TSPAN8: variants seen among roughly 807,000 people sequenced by gnomAD.
The protein encoded by TSPAN8 is tetraspanin-8.
In TSPAN8, 21 loss-of-function variants were observed where a neutral mutation model predicts 32.8. The ratio of observed to expected loss-of-function variants is 0.64; its 90% CI spans 0.45 to 0.92. TSPAN8 has a LOEUF of 0.92. TSPAN8 is among the 40% of genes least tolerant of loss of function. The probability of loss-of-function intolerance (pLI) is 0.00; values close to 1 mark genes in which losing one functional copy is unlikely to be tolerated. For synonymous variants in TSPAN8, 95 were observed against 94.6 expected, an observed-to-expected ratio of 1.00 and a Z score of -0.03; for missense variants, 269 against 281.9, an observed-to-expected ratio of 0.95 and a Z score of 0.33.
chr12:71,152,945 C>T (rs975558594), intron 2 of TSPAN8, among the ~76,000 whole-genome samples: 1 of 152,220 alleles, frequency 6.6e-6, no homozygotes, highest in African/African-American at 2.4e-5. Flanking sequence ...GTTCAGACTT[C>T]TTTCTGCGCT....
chr12:71,133,633 C>G (rs922985703), intron 6 of TSPAN8, among the ~76,000 whole-genome samples: 1 of 152,036 alleles, frequency 6.6e-6, no homozygotes, highest in Non-Finnish European at 1.5e-5. Context: ...ATTTTATGAA[C>G]ATCTTTAAAA....
intron 2 of TSPAN8, chr12:71,157,405 T>A: frequency 2.1e-6 from 1 of 478,040 alleles, no homozygotes; most frequent in Non-Finnish European, 3.7e-6. Context: ...GAAATGTTTA[T>A]CCTCACATTC....
At position 71,129,392 on chromosome 12, in the gene TSPAN8, T is replaced by C. The variant is rs1391898859; in HGVS notation, c.599A>G (p.Asp200Gly). 6.3e-7 allele frequency: 1 copy of C among 1,583,352 alleles called. No homozygotes were observed. The highest frequency in any genetic ancestry group is 2.3e-5 in the East Asian group (1 of 44,076). Residue 200 changes from aspartate (D) to glycine (G), a missense_variant, in exon 8 of 9, where the codon GAC becomes GGC. Asp to Gly is a moderately conservative substitution (Grantham distance 94). Coordinates refer to ENST00000247829, the MANE Select transcript of TSPAN8 (RefSeq NM_004616.3). ...YKETCISFIKDFLAKNLIIVI... is the reference protein window; with the variant it reads ...YKETCISFIKGFLAKNLIIVI... ...TATAATCAAATTTTTTGCCAAGAAG[T>C]CTTTTATGAAAGAAATACAGGTCTG...
chr12:71,152,839 T>C (rs1201083993), intron 2 of TSPAN8, among the ~76,000 whole-genome samples: 1 of 152,224 alleles, frequency 6.6e-6, no homozygotes, highest in Non-Finnish European at 1.5e-5. Context: ...GGGTTATGTC[T>C]GCTTTGCCTC....
At chr12:71,129,580 A>G (rs1050153921) in intron 7 of TSPAN8, among the ~76,000 whole-genome samples, 166 bp from the exon 8 acceptor site, 13 of 152,188 alleles carry the variant, frequency 8.5e-5, no homozygotes, top group Admixed American at 8.5e-4. Context: ...CTTTGCTCCA[A>G]AAGGTTGTAA....
Position 71,156,039 on chromosome 12 carries a change from A to G in TSPAN8, c.60+1580T>C, listed in dbSNP as rs540475253. The stretch of plus-strand genomic sequence containing the variant: ...AGCCACTGCGCCTGGTTGTGGTTAC[A>G]TTTTTTCAAGAATTATTATGTTTCA... On this transcript the variant is annotated intron_variant, in intron 2 of 8. Coordinates refer to ENST00000247829, the MANE Select transcript of TSPAN8 (RefSeq NM_004616.3). Among the ~76,000 whole-genome samples, 23 of 151,982 alleles carry G rather than the reference A, an allele frequency of 1.5e-4. No homozygotes were observed. The South Asian group carries it at 3.1e-3, about 21-fold the overall frequency.
chr12:71,157,704 T>A lies in TSPAN8; in HGVS notation c.-26A>T. ...TTCGGAAAAGGATTAGGAATCCAGATGCCGTGAATTTAACTATTCGTTACA... is the reference window on the plus strand; with the variant it reads ...TTCGGAAAAGGATTAGGAATCCAGAAGCCGTGAATTTAACTATTCGTTACA... On this transcript the variant is annotated 5_prime_UTR_variant, in exon 2 of 9. Transcript: ENST00000247829. 1 of 1,589,078 alleles carries A rather than the reference T, an allele frequency of 6.3e-7. No homozygotes were observed. Among genetic ancestry groups the A allele is most frequent in the Non-Finnish European group, 8.6e-7 (1 of 1,157,308 alleles).
chr12:71,135,505 AAGG>A (rs1166358064), intron 6 of TSPAN8, among the ~76,000 whole-genome samples: 2 of 94,658 alleles, frequency 2.1e-5, no homozygotes, highest in East Asian at 6.7e-4. Flanking sequence ...GAAAAGGAAG[AAGG>A]AGGAGGAGAA....
chr12:71,150,502 T>A (rs577082295), intron 2 of TSPAN8, among the ~76,000 whole-genome samples: 1 of 142,226 alleles, frequency 7.0e-6, no homozygotes, highest in Non-Finnish European at 1.5e-5. Context: ...GGCATCACGG[T>A]CCTACTGATA....
intron 8 of TSPAN8, among the ~76,000 whole-genome samples, chr12:71,126,090 G>A (rs1413743961): frequency 6.6e-6 from 1 of 152,074 alleles, no homozygotes; most frequent in African/African-American, 2.4e-5. Context: ...TGATAGACAG[G>A]ACCTGTGTGC....
At chr12:71,131,169 T>C (rs1871508312) in intron 7 of TSPAN8, among the ~76,000 whole-genome samples, 1 of 152,222 alleles carries the variant, frequency 6.6e-6, no homozygotes, top group Admixed American at 6.5e-5. Context: ...TTATTTACTC[T>C]ATATTTATTT....
intron 2 of TSPAN8, among the ~76,000 whole-genome samples, chr12:71,147,681 A>G (rs1872119970): frequency 6.6e-6 from 1 of 152,142 alleles, no homozygotes; most frequent in African/African-American, 2.4e-5. Context: ...TCTTAGTTCA[A>G]TTGTATTGTG....
chr12:71,125,180 AAT>A lies in TSPAN8; in HGVS notation c.*152_*153del. On this transcript the variant is annotated 3_prime_UTR_variant, in exon 9 of 9. Transcript: ENST00000247829. ...TATCCCTCAAATCTTAAATGTGTTC[AAT>A]ATGTCTAGAAGATATCTGTGGTCTA... The A allele has an allele frequency of 1.8e-6, 1 of 560,176 alleles. No homozygotes were observed. The highest frequency in any genetic ancestry group is 3.2e-6 in the Non-Finnish European group (1 of 315,578). The allele number at this position is 560,176 out of a possible 1,614,324, so 34.7% of individuals were successfully genotyped here. A position where few individuals can be genotyped will look rare whatever the true frequency, so the allele number is the denominator to read the frequency against.
Position 71,157,695 on chromosome 12 carries a change from G to C in TSPAN8, c.-17C>G. ...ACCTGCCATTTCGGAAAAGGATTAG[G>C]AATCCAGATGCCGTGAATTTAACTA... On this transcript the variant is annotated 5_prime_UTR_variant, in exon 2 of 9. Transcript: ENST00000247829. 6.2e-7 allele frequency: 1 copy of C among 1,603,088 alleles called. No individual in the cohort carries two copies. Among genetic ancestry groups the C allele is most frequent in the African/African-American group, 1.3e-5 (1 of 74,740 alleles).
Position 71,125,189 on chromosome 12 carries a change from A to G in TSPAN8, c.*145T>C, listed in dbSNP as rs962298677. On this transcript the variant is annotated 3_prime_UTR_variant, in exon 9 of 9. Transcript: ENST00000247829. The stretch of plus-strand genomic sequence containing the variant: ...AATCTTAAATGTGTTCAATATGTCT[A>G]GAAGATATCTGTGGTCTAGCTAGCC... The G allele has an allele frequency of 4.7e-6, 3 of 636,512 alleles. No homozygotes were observed. Among genetic ancestry groups the G allele is most frequent in the Non-Finnish European group, 8.3e-6 (3 of 360,530 alleles). 39.4% of individuals were successfully genotyped at this position (636,512 alleles called of 1,614,324 possible). A position where few individuals can be genotyped will look rare whatever the true frequency, so the allele number is the denominator to read the frequency against.
intron 2 of TSPAN8, among the ~76,000 whole-genome samples, chr12:71,147,269 C>A (rs1872106617): frequency 6.6e-6 from 1 of 152,062 alleles, no homozygotes; most frequent in South Asian, 2.1e-4. Flanking sequence ...GTTGATTTGT[C>A]CTTTTCTTTG....
At chr12:71,139,290 C>T (rs537286640) in intron 4 of TSPAN8, 4 of 461,090 alleles carry the variant, frequency 8.7e-6, no homozygotes, top group Non-Finnish European at 1.7e-5. Flanking sequence ...CTCACTCATA[C>T]AAATACCTTA....
chr12:71,137,006 C>A (rs1871718838), intron 6 of TSPAN8, among the ~76,000 whole-genome samples: 1 of 152,150 alleles, frequency 6.6e-6, no homozygotes, highest in African/African-American at 2.4e-5. Flanking sequence ...TGTGGTTGCT[C>A]ACGCTTGCAA....
intron 2 of TSPAN8, among the ~76,000 whole-genome samples, chr12:71,144,556 A>C (rs1872012722): frequency 6.6e-6 from 1 of 152,186 alleles, no homozygotes; most frequent in South Asian, 2.1e-4. Flanking sequence ...CAACAGTTTA[A>C]AGATAAAATA....
Sources: allele counts gnomAD v4.1 joint callset (sites outside exome capture counted in the v4.1 genomes callset), GRCh38; gene constraint gnomAD v4.1.1; transcripts MANE v1.5; gene names NCBI Gene and HGNC (gene_info 2026-07-23, HGNC 2026-07-21).